The following ZNF184 variants were observed in gnomAD, a reference collection of about 807,000 sequenced individuals.
ZNF184 encodes zinc finger protein 184.
ZNF184 carries 16 observed loss-of-function variants against 54.4 expected under a neutral mutation model. The ratio of observed to expected loss-of-function variants is 0.29; its 90% CI spans 0.20 to 0.45. The LOEUF is 0.45. Among genes scored for constraint, ZNF184 ranks in the 20% least tolerant of loss-of-function variants. The pLI, the probability that ZNF184 is intolerant of heterozygous loss-of-function variation, is 1.00. For synonymous variants in ZNF184, 254 were observed against 295.3 expected (o/e 0.86, Z 1.43); for missense variants, 681 against 888.2 (o/e 0.77, Z 2.97).
chr6:27,411,513 A>G, the ZNF184 span, among the ~76,000 whole-genome samples: 2 of 152,230 alleles, frequency 1.3e-5, no homozygotes, highest in Non-Finnish European at 2.9e-5. Flanking sequence ...ACATATACTC[A>G]GCAGTCATGA....
At position 27,456,887 on chromosome 6, in the gene ZNF184, C is replaced by A. The variant is rs1173642650; in HGVS notation, c.237G>T (p.Gln79His). 1 of 1,614,032 alleles carries A rather than the reference C, an allele frequency of 6.2e-7. No homozygotes were observed. The highest frequency in any genetic ancestry group is 1.3e-5 in the African/African-American group (1 of 74,990). ...TCCATGGCTCTGTCCCTTGCTCTAA[C>A]TGGGAAATCACATCAGGTTTAGAAA... ...LQVSKPDVIS[Q>H]LEQGTEPWIM... Residue 79 changes from glutamine (Q) to histidine (H), a missense_variant, in exon 5 of 6, where the codon CAG becomes CAT. Coordinates refer to ENST00000683788, the MANE Select transcript of ZNF184 (RefSeq NM_001318891.2).
At chr6:27,469,646 C>A (rs75236397) in intron 2 of ZNF184, among the ~76,000 whole-genome samples, 17 of 148,092 alleles carry the variant, frequency 1.1e-4, no homozygotes, top group Non-Finnish European at 7.5e-5. Context: ...GTCTCAAAAA[C>A]AAAAAAAAAA....
rs143404361 is a variant in ZNF184, at chr6:27,451,771, G to C, written c.1788C>G (p.Asn596Lys). 6.2e-7 allele frequency: 1 copy of C among 1,614,016 alleles called. No individual in the cohort carries two copies. Among genetic ancestry groups the C allele is most frequent in the South Asian group, 1.1e-5 (1 of 91,074 alleles). The change falls in exon 6 of 6, where the codon AAC becomes AAG. Residue 596 changes from asparagine to lysine, a missense_variant. Physicochemically the swap from Asn to Lys is moderately conservative, Grantham distance 94. Coordinates refer to ENST00000683788, the MANE Select transcript of ZNF184 (RefSeq NM_001318891.2). ...TATGCTGTGTAAGGTGTATGTTCTG[G>C]TTGAATGCTCTCCCACACTCATTAC... The part of the protein sequence containing the change: ...YKCNECGRAF[N>K]QNIHLTQHKR...
intron 3 of ZNF184, among the ~76,000 whole-genome samples, chr6:27,459,409 C>T (rs1762944088): frequency 6.6e-6 from 1 of 151,842 alleles, no homozygotes; most frequent in African/African-American, 2.4e-5. Flanking sequence ...ATCAACTACC[C>T]ACAACAATAG....
At chr6:27,443,284 C>T in the ZNF184 span, among the ~76,000 whole-genome samples, 3 of 152,170 alleles carry the variant, frequency 2.0e-5, no homozygotes, top group South Asian at 4.1e-4. Flanking sequence ...CTCATTGCCA[C>T]ATTCAGGCCA....
chr6:27,452,975 G>A lies in ZNF184; in HGVS notation c.584C>T (p.Thr195Ile), dbSNP rs770062270. Residue 195 changes from threonine (T) to isoleucine (I), a missense_variant, in exon 6 of 6, where the codon ACA becomes ATA. Transcript: ENST00000683788. The surrounding 1 kb of genome is among the most constrained non-coding windows in gnomAD (Gnocchi z 5.5). ...GGTCTCTTCTGGAGATGGTTCTTGT[G>A]TTACAAGGTTTGAACTCACATTGAC... ...KSVNVSSNLVTQEPSPEETST... is the reference protein window; with the variant it reads ...KSVNVSSNLVIQEPSPEETST... 3.7e-6 allele frequency: 6 copies of A among 1,614,002 alleles called. No individual in the cohort carries two copies. Among genetic ancestry groups the A allele is most frequent in the Admixed American group, 1.7e-5 (1 of 59,996 alleles).
chr6:27,416,572 G>A, the ZNF184 span, among the ~76,000 whole-genome samples: 3 of 152,174 alleles, frequency 2.0e-5, no homozygotes, highest in East Asian at 1.9e-4. Context: ...ATAAGTATAC[G>A]TCTCTGTTTG....
chr6:27,443,052 C>T, the ZNF184 span, among the ~76,000 whole-genome samples: 4 of 152,170 alleles, frequency 2.6e-5, no homozygotes, highest in South Asian at 2.1e-4. Context: ...ATTATCAAAG[C>T]CACTTTCTCA....
Position 27,452,931 on chromosome 6 carries a change from T to C in ZNF184, c.628A>G (p.Lys210Glu), listed in dbSNP as rs1479336627. The C allele has an allele frequency of 1.2e-6, 2 of 1,614,202 alleles. No individual in the cohort carries two copies. Among genetic ancestry groups the C allele is most frequent in the Non-Finnish European group, 1.7e-6 (2 of 1,180,014 alleles). The change falls in exon 6 of 6, where the codon AAA becomes GAA. Residue 210 changes from lysine (K) to glutamate (E), a missense_variant. Coordinates refer to ENST00000683788, the MANE Select transcript of ZNF184 (RefSeq NM_001318891.2). This position sits in a 1 kb window ranked among gnomAD's most constrained non-coding sequence, Gnocchi z 5.5. ...TTTTTAACTGGGTTTGAATTCTGTT[T>C]GATGCTTCTTTTAGTAGAGGTCTCT... Reference protein sequence around the residue: ...PEETSTKRSIKQNSNPVKKEK... With the variant: ...PEETSTKRSIEQNSNPVKKEK...
At position 27,452,894 on chromosome 6, in the gene ZNF184, C is replaced by T. The variant is rs1279057811; in HGVS notation, c.665G>A (p.Cys222Tyr). The T allele has an allele frequency of 3.1e-6, 5 of 1,614,018 alleles. No individual in the cohort carries two copies. Among genetic ancestry groups the T allele is most frequent in the Non-Finnish European group, 4.2e-6 (5 of 1,180,012 alleles). ...GGCTTTCCCACATTCATTGCACTTA[C>T]AAGATTTCTCTTTTTTAACTGGGTT... The part of the protein sequence containing the change: ...NSNPVKKEKS[C>Y]KCNECGKAFS... Residue 222 changes from cysteine to tyrosine, a missense_variant, in exon 6 of 6, where the codon TGT (cysteine) becomes TAT (tyrosine). Coordinates refer to ENST00000683788, the MANE Select transcript of ZNF184 (RefSeq NM_001318891.2). This position sits in a 1 kb window ranked among gnomAD's most constrained non-coding sequence, Gnocchi z 5.5.
chr6:27,411,937 A>G, the ZNF184 span, among the ~76,000 whole-genome samples: 1 of 152,132 alleles, frequency 6.6e-6, no homozygotes, highest in Non-Finnish European at 1.5e-5. Flanking sequence ...GAGGAGGGGC[A>G]TGACAGCTAA....
the ZNF184 span, among the ~76,000 whole-genome samples, chr6:27,438,526 G>A: frequency 6.6e-6 from 1 of 152,100 alleles, no homozygotes; most frequent in Admixed American, 6.6e-5. Flanking sequence ...AGTACAGGAT[G>A]GCAGCTCACA....
At chr6:27,434,527 G>C in the ZNF184 span, among the ~76,000 whole-genome samples, 2 of 152,210 alleles carry the variant, frequency 1.3e-5, no homozygotes, top group South Asian at 4.1e-4. Flanking sequence ...TTGTTGTTGA[G>C]TTGTAGGTGT....
chr6:27,447,988 T>G (rs570914556), downstream of ZNF184, among the ~76,000 whole-genome samples: 3 of 152,220 alleles, frequency 2.0e-5, no homozygotes, highest in Non-Finnish European at 4.4e-5. Flanking sequence ...ATTTGAGGGG[T>G]GAAATAGCAT....
chr6:27,472,235 T>C lies in ZNF184; in HGVS notation c.7+53A>G, dbSNP rs1581592975. The stretch of plus-strand genomic sequence containing the variant: ...TCTCAAGTATTTGATACTCCAGTCA[T>C]GACTGTTCTCAAGCCTCCATCACCC... On this transcript the variant is annotated intron_variant, in intron 2 of 5. Coordinates refer to ENST00000683788, the MANE Select transcript of ZNF184 (RefSeq NM_001318891.2). The surrounding 1 kb of genome is among the most constrained non-coding windows in gnomAD (Gnocchi z 4.8). 6.2e-7 allele frequency: 1 copy of C among 1,612,148 alleles called. No individual in the cohort carries two copies. Among genetic ancestry groups the C allele is most frequent in the East Asian group, 2.2e-5 (1 of 44,822 alleles).
intron 2 of ZNF184, among the ~76,000 whole-genome samples, chr6:27,469,090 T>C (rs938453059): frequency 6.6e-6 from 1 of 152,220 alleles, no homozygotes; most frequent in Admixed American, 6.5e-5. Flanking sequence ...TCAAAATGAC[T>C]CGTCTGGTAA....
chr6:27,431,436 A>G, the ZNF184 span, among the ~76,000 whole-genome samples: 1 of 152,200 alleles, frequency 6.6e-6, no homozygotes, highest in Non-Finnish European at 1.5e-5. Context: ...TTTCTTTTGT[A>G]TCAAACTATT....
chr6:27,414,774 C>T, the ZNF184 span, among the ~76,000 whole-genome samples: 1 of 152,070 alleles, frequency 6.6e-6, no homozygotes, highest in African/African-American at 2.4e-5. Context: ...TCTCCCCCTT[C>T]AGTGAGACAC....
chr6:27,445,872 C>A (rs547551377), downstream of ZNF184, among the ~76,000 whole-genome samples: 1 of 152,042 alleles, frequency 6.6e-6, no homozygotes, highest in South Asian at 2.1e-4. Flanking sequence ...CGTTCTAGGG[C>A]CTTATAAAGT....
Sources: gnomAD v4.1 joint callset for allele counts (sites outside exome capture counted in the v4.1 genomes callset) on GRCh38, gnomAD v4.1.1 for gene constraint, Gnocchi (gnomAD v3.1) non-coding constraint, MANE v1.5 for transcripts, NCBI Gene and HGNC (gene_info 2026-07-23, HGNC 2026-07-21) for gene names.